Variants in PPFIBP2 observed in about 807,000 individuals in gnomAD.
PPFIBP2 encodes liprin-beta-2.
Under a neutral mutation model 118.3 loss-of-function variants are expected in PPFIBP2, and 118 were observed. The ratio of observed to expected loss-of-function variants is 1.00; its 90% CI spans 0.86 to 1.16. PPFIBP2 has a LOEUF of 1.16. Among genes scored for constraint, PPFIBP2 ranks in the 50% most tolerant of loss-of-function variants. PPFIBP2 has a pLI of 0.00. For synonymous variants in PPFIBP2, 414 were observed against 397.4 expected, an observed-to-expected ratio of 1.04 and a Z score of -0.50; for missense variants, 1,195 against 1,073.1, an observed-to-expected ratio of 1.11 and a Z score of -1.59.
downstream of PPFIBP2, among the ~76,000 whole-genome samples, chr11:7,655,974 C>A (rs1408692708): frequency 6.6e-6 from 1 of 152,072 alleles, no homozygotes; most frequent in Admixed American, 6.6e-5. Flanking sequence ...CTGGCACGCC[C>A]GAAAGGACAA....
chr11:7,628,766 C>A (rs755110968), intron 9 of PPFIBP2, among the ~76,000 whole-genome samples: 1 of 152,190 alleles, frequency 6.6e-6, no homozygotes, highest in Non-Finnish European at 1.5e-5. Flanking sequence ...TTATATCCTT[C>A]GCATCTAATT....
rs75200267 is a variant in PPFIBP2 at position 7,563,694 on chromosome 11, T to C, written c.65-1859T>C. 9.0e-3 allele frequency among the ~76,000 whole-genome samples: 1,368 copies of C among 152,318 alleles called. 18 individuals carry two copies. The highest frequency in any genetic ancestry group is 0.031 in the African/African-American group (1,298 of 41,564). On this transcript the variant is annotated intron_variant, in intron 2 of 23. Coordinates refer to ENST00000299492, the MANE Select transcript of PPFIBP2 (RefSeq NM_003621.5). Reference sequence around the variant, plus strand: ...TTCATCTGGTTGGCCTTATAAATAATGCAAATGCCCTAGAAATTCCACCAC... The same window carrying C: ...TTCATCTGGTTGGCCTTATAAATAACGCAAATGCCCTAGAAATTCCACCAC...
rs1245254542 is a variant in PPFIBP2, at chr11:7,649,529, C to A, written c.1999-3C>A. On this transcript the variant is annotated splice_region_variant and splice_polypyrimidine_tract_variant and intron_variant, in intron 20 of 23. Transcript: ENST00000299492. ...GTTTATAAACCAAACTTTCCTCTTT[C>A]AGAACGATTTACTCTTCTTAAAAGT... 1 of 1,614,090 alleles carries A rather than the reference C, an allele frequency of 6.2e-7. No homozygotes were observed. Among genetic ancestry groups the A allele is most frequent in the Admixed American group, 1.7e-5 (1 of 59,988 alleles).
intron 4 of PPFIBP2, among the ~76,000 whole-genome samples, chr11:7,595,683 G>C (rs1018693558): frequency 6.6e-6 from 1 of 152,032 alleles, no homozygotes; most frequent in Non-Finnish European, 1.5e-5. Context: ...TTCTCAGCAG[G>C]GTAGAGCCTC....
intron 1 of PPFIBP2, among the ~76,000 whole-genome samples, chr11:7,521,103 G>T (rs1849716764): frequency 6.6e-6 from 1 of 152,192 alleles, no homozygotes; most frequent in African/African-American, 2.4e-5. Flanking sequence ...ATTTCTGTTT[G>T]CCTTAAGGTC....
At chr11:7,632,131 A>G (rs763485786) in intron 11 of PPFIBP2, among the ~76,000 whole-genome samples, 3 of 152,218 alleles carry the variant, frequency 2.0e-5, no homozygotes, top group Non-Finnish European at 2.9e-5. Flanking sequence ...ATTTCATACC[A>G]TCATTAGCTC....
chr11:7,591,051 C>T (rs7942627), intron 3 of PPFIBP2, among the ~76,000 whole-genome samples: 56,513 of 151,984 alleles, frequency 0.37, 10,516 homozygotes, highest in East Asian at 0.4. Flanking sequence ...CTAGCATGTG[C>T]TATAGAATCT....
chr11:7,657,342 A>G (rs1200839246), downstream of PPFIBP2, among the ~76,000 whole-genome samples: 1 of 152,128 alleles, frequency 6.6e-6, no homozygotes, highest in Admixed American at 6.5e-5. Context: ...GGGTAAAGCA[A>G]CGAGGCTCCT....
intron 3 of PPFIBP2, among the ~76,000 whole-genome samples, chr11:7,582,132 C>G (rs1294764565): frequency 6.6e-6 from 1 of 152,116 alleles, no homozygotes; most frequent in African/African-American, 2.4e-5. Flanking sequence ...GCCACCGTGC[C>G]CAGCCAATTC....
chr11:7,536,296 G>A (rs1007846194), intron 1 of PPFIBP2, among the ~76,000 whole-genome samples: 1 of 152,130 alleles, frequency 6.6e-6, no homozygotes, highest in Non-Finnish European at 1.5e-5. Context: ...GGGTGCACAC[G>A]GATGAGTGAC....
intron 2 of PPFIBP2, among the ~76,000 whole-genome samples, chr11:7,550,454 G>A (rs1487502279): frequency 6.6e-6 from 1 of 152,200 alleles, no homozygotes; most frequent in Non-Finnish European, 1.5e-5. Context: ...CTTACAGAGG[G>A]CTCTTGGTGT....
intron 4 of PPFIBP2, among the ~76,000 whole-genome samples, chr11:7,596,993 A>G (rs1006946622): frequency 3.3e-5 from 5 of 152,250 alleles, no homozygotes; most frequent in Middle Eastern, 3.4e-3. Flanking sequence ...ACTTAGAGTC[A>G]TGTTTTGGCC....
chr11:7,549,278 C>A (rs748912266), intron 1 of PPFIBP2, among the ~76,000 whole-genome samples, 162 bp from the exon 2 acceptor site: 1 of 152,110 alleles, frequency 6.6e-6, no homozygotes, highest in Non-Finnish European at 1.5e-5. Flanking sequence ...AGCACTCATG[C>A]CAAGAGGGAA....
At chr11:7,665,218 T>G in the PPFIBP2 span, 12 of 592,884 alleles carry the variant, frequency 2.0e-5, no homozygotes, top group Non-Finnish European at 3.0e-5. Context: ...CTTGAGCCCT[T>G]TTTGTTAGGC....
At position 7,629,350 on chromosome 11, in the gene PPFIBP2, C is replaced by T; in HGVS notation, c.889-109C>T. On this transcript the variant is annotated intron_variant, in intron 9 of 23. Transcript: ENST00000299492. ...CCTGGACACTCTTTTCCTTTGGTTCCACGTGGGATTTCTTCTCCTTGTGCC... is the reference window on the plus strand; with the variant it reads ...CCTGGACACTCTTTTCCTTTGGTTCTACGTGGGATTTCTTCTCCTTGTGCC... The T allele has an allele frequency of 4.7e-6, 5 of 1,061,078 alleles. No individual in the cohort carries two copies. In the South Asian group the frequency reaches 6.6e-5, roughly 14 times the overall value. The allele number at this position is 1,061,078 out of a possible 1,614,324, so 65.7% of individuals were successfully genotyped here. A position where few individuals can be genotyped will look rare whatever the true frequency, so the allele number is the denominator to read the frequency against.
downstream of PPFIBP2, among the ~76,000 whole-genome samples, chr11:7,658,332 T>C (rs975615592): frequency 9.0e-6 from 1 of 111,656 alleles, no homozygotes. Flanking sequence ...GAGTGTGATA[T>C]TCCCCTTCCT....
intron 8 of PPFIBP2, 97 bp downstream of exon 8, chr11:7,625,988 C>T: frequency 9.9e-7 from 1 of 1,012,918 alleles, no homozygotes; most frequent in Non-Finnish European, 1.5e-6. Context: ...TGCATATGTG[C>T]TTGTGTGTGT....
rs540785041 is a variant in PPFIBP2, at chr11:7,617,234, C to G, written c.619-3701C>G. On this transcript the variant is annotated intron_variant, in intron 6 of 23. Coordinates refer to ENST00000299492, the MANE Select transcript of PPFIBP2 (RefSeq NM_003621.5). ...ACCACCCTGAGGAGGTGGCGGCCAG[C>G]GACGGTGTGGCCGAGCCCCAGCCCT... is the stretch of plus-strand genomic sequence containing the variant. 5 of 985,416 alleles carry G rather than the reference C, an allele frequency of 5.1e-6. No individual in the cohort carries two copies. The East Asian group carries it at 4.5e-4, about 90-fold the overall frequency. 61.0% of individuals were successfully genotyped at this position (985,416 alleles called of 1,614,324 possible).
At chr11:7,589,294 A>G (rs1247728061) in intron 3 of PPFIBP2, among the ~76,000 whole-genome samples, 1 of 152,086 alleles carries the variant, frequency 6.6e-6, no homozygotes, top group Non-Finnish European at 1.5e-5. Flanking sequence ...GTGGGGAACA[A>G]TAGAAAATTA....
Sources: gnomAD v4.1 joint callset for allele counts (sites outside exome capture counted in the v4.1 genomes callset) on GRCh38, gnomAD v4.1.1 for gene constraint, MANE v1.5 for transcripts, NCBI Gene and HGNC (gene_info 2026-07-23, HGNC 2026-07-21) for gene names.